Variants in CHSY3 observed in about 807,000 individuals in gnomAD.
CHSY3 encodes the protein chondroitin sulfate synthase 3.
CHSY3 carries 35 observed loss-of-function variants against 67.2 expected under a neutral mutation model. The observed-to-expected ratio is 0.52, with a 90% confidence interval of 0.40 to 0.69. CHSY3 has a LOEUF of 0.69. CHSY3 is among the 30% of genes least tolerant of loss of function. CHSY3 has a pLI of 0.00. For missense variants in CHSY3, 1,069 were observed against 1,138.5 expected (o/e 0.94, Z 0.88); for synonymous variants, 474 against 434.7 (o/e 1.09, Z -1.12).
chr5:130,103,614 T>C (rs952356653), intron 2 of CHSY3, among the ~76,000 whole-genome samples: 9 of 152,016 alleles, frequency 5.9e-5, no homozygotes, highest in Admixed American at 2.6e-4. Flanking sequence ...CAGAAAAATA[T>C]AGAGAGAGAT....
At position 129,951,613 on chromosome 5, in the gene CHSY3, A is replaced by G. The variant is rs116218849; in HGVS notation, c.1086+43253A>G. Among the ~76,000 whole-genome samples the G allele has an allele frequency of 4.6e-3, 702 of 152,282 alleles. 10 individuals carry two copies. Among genetic ancestry groups the G allele is most frequent in the African/African-American group, 0.016 (656 of 41,554 alleles). ...CTGGTGATTCTGCCTGTAAAATCAC[A>G]TGGCTGTGGTGGGAAGCTTGGGAAG... On this transcript the variant is annotated intron_variant, in intron 2 of 2. Coordinates refer to ENST00000305031, the MANE Select transcript of CHSY3 (RefSeq NM_175856.5).
chr5:130,043,827 G>A (rs1381187213), intron 2 of CHSY3, among the ~76,000 whole-genome samples: 2 of 152,092 alleles, frequency 1.3e-5, no homozygotes, highest in Non-Finnish European at 2.9e-5. Context: ...CTTCATTGGA[G>A]AAAAAGGTTG....
At chr5:130,017,562 C>T (rs1248841670) in intron 2 of CHSY3, among the ~76,000 whole-genome samples, 1 of 152,052 alleles carries the variant, frequency 6.6e-6, no homozygotes, top group South Asian at 2.1e-4. Context: ...TTCTTATTTT[C>T]CTGTTTTCTT....
At chr5:130,016,765 A>C (rs573811045) in intron 2 of CHSY3, among the ~76,000 whole-genome samples, 3 of 152,202 alleles carry the variant, frequency 2.0e-5, no homozygotes, top group Non-Finnish European at 2.9e-5. Context: ...TGAAGTATAG[A>C]GATCATATTA....
intron 2 of CHSY3, among the ~76,000 whole-genome samples, chr5:130,115,098 T>C (rs1226754385): frequency 6.6e-6 from 1 of 152,048 alleles, no homozygotes; most frequent in East Asian, 1.9e-4. Flanking sequence ...TTTTTTTTAT[T>C]GTAGGTAATT....
At chr5:130,069,442 G>A (rs531825505) in intron 2 of CHSY3, among the ~76,000 whole-genome samples, 2 of 151,992 alleles carry the variant, frequency 1.3e-5, no homozygotes, top group East Asian at 1.9e-4. Flanking sequence ...TTGAGCCCAC[G>A]AGTTCAAGAC....
intron 2 of CHSY3, among the ~76,000 whole-genome samples, chr5:130,104,246 G>A (rs1220393537): frequency 6.6e-6 from 1 of 151,814 alleles, no homozygotes; most frequent in African/African-American, 2.4e-5. Flanking sequence ...AAATTTCTCA[G>A]AGGATTAAAA....
At chr5:130,128,736 A>G (rs1284856159) in intron 2 of CHSY3, among the ~76,000 whole-genome samples, 1 of 152,106 alleles carries the variant, frequency 6.6e-6, no homozygotes, top group Non-Finnish European at 1.5e-5. Flanking sequence ...GTGGCCTTGT[A>G]TAAGTCTGTG....
intron 2 of CHSY3, among the ~76,000 whole-genome samples, chr5:130,096,085 A>G (rs1403926461): frequency 6.6e-6 from 1 of 152,196 alleles, no homozygotes; most frequent in African/African-American, 2.4e-5. Flanking sequence ...CAGGGTGACT[A>G]AGGGCATAAC....
rs145948537 is a variant in CHSY3 at position 129,929,368 on chromosome 5, A to G, written c.1086+21008A>G. Among the ~76,000 whole-genome samples the G allele has an allele frequency of 2.1e-3, 314 of 152,352 alleles. 3 individuals carry two copies. Among genetic ancestry groups the G allele is most frequent in the African/African-American group, 6.9e-3 (286 of 41,590 alleles). ...GTAGAAACAGAAAATTGTATCTTTT[A>G]CTGTGCCTCAGGGCAAGAATAAAAA... is the stretch of plus-strand genomic sequence containing the variant. On this transcript the variant is annotated intron_variant, in intron 2 of 2. Transcript: ENST00000305031.
chr5:130,165,839 C>G (rs544153704), intron 2 of CHSY3, among the ~76,000 whole-genome samples: 10 of 151,930 alleles, frequency 6.6e-5, no homozygotes, highest in Non-Finnish European at 1.2e-4. Flanking sequence ...AAATATGATT[C>G]TGAGTCATTT....
At chr5:130,021,749 T>C (rs1165816586) in intron 2 of CHSY3, among the ~76,000 whole-genome samples, 3 of 152,294 alleles carry the variant, frequency 2.0e-5, no homozygotes, top group Admixed American at 2.0e-4. Context: ...AATTCGCATG[T>C]GTGATAAATA....
intron 2 of CHSY3, among the ~76,000 whole-genome samples, chr5:130,162,882 C>T (rs1439658948): frequency 6.6e-6 from 1 of 152,140 alleles, no homozygotes; most frequent in Non-Finnish European, 1.5e-5. Flanking sequence ...GCAATCAACT[C>T]AGATCTAAAC....
chr5:130,045,346 A>G (rs980570544), intron 2 of CHSY3, among the ~76,000 whole-genome samples: 2 of 152,124 alleles, frequency 1.3e-5, no homozygotes, highest in African/African-American at 2.4e-5. Flanking sequence ...GGGGAAGGAC[A>G]TATTTTTAAA....
At chr5:130,002,966 A>G (rs1763774744) in intron 2 of CHSY3, among the ~76,000 whole-genome samples, 2 of 152,106 alleles carry the variant, frequency 1.3e-5, no homozygotes, top group Admixed American at 6.6e-5. Flanking sequence ...TTTGTGTTTT[A>G]AAAACATTTC....
intron 2 of CHSY3, among the ~76,000 whole-genome samples, 187 bp from the exon 3 acceptor site, chr5:130,184,042 C>T (rs926443540): frequency 2.8e-4 from 42 of 151,726 alleles, no homozygotes; most frequent in African/African-American, 9.9e-4. Context: ...GGAATTTCAT[C>T]TACCAATTAC....
chr5:129,987,118 C>G (rs924503876), intron 2 of CHSY3, among the ~76,000 whole-genome samples: 6 of 151,892 alleles, frequency 4.0e-5, no homozygotes, highest in African/African-American at 9.7e-5. Context: ...CATATTAGAC[C>G]TTGATATTTA....
intron 2 of CHSY3, among the ~76,000 whole-genome samples, chr5:130,162,926 C>A (rs192364992): frequency 7.2e-5 from 11 of 152,288 alleles, no homozygotes; most frequent in Admixed American, 2.0e-4. Context: ...ATTGTGCTTT[C>A]TCTGTGTAAT....
intron 2 of CHSY3, 49 bp downstream of exon 2, chr5:129,908,409 C>A (rs1412658914): frequency 2.5e-6 from 4 of 1,586,134 alleles, no homozygotes; most frequent in South Asian, 1.1e-5. Context: ...ATATACATGC[C>A]ATTTTATAAT....
Sources: allele counts gnomAD v4.1 joint callset (sites outside exome capture counted in the v4.1 genomes callset), GRCh38; gene constraint gnomAD v4.1.1; transcripts MANE v1.5; gene names NCBI Gene and HGNC (gene_info 2026-07-23, HGNC 2026-07-21).